TMEM217: variants seen among roughly 807,000 people sequenced by gnomAD.
TMEM217 encodes the protein transmembrane protein 217.
For missense variants in TMEM217, 204 were observed against 248.8 expected (o/e 0.82, Z 1.21); for synonymous variants, 76 against 88.3 (o/e 0.86, Z 0.78).
At chr6:37,222,618 C>G (rs1253911735) in intron 1 of TMEM217, among the ~76,000 whole-genome samples, 1 of 152,210 alleles carries the variant, frequency 6.6e-6, no homozygotes, top group Non-Finnish European at 1.5e-5. Context: ...TGCAGCTGCA[C>G]CTGGGAGGGC....
At chr6:37,247,511 C>G (rs1765158201) in intron 1 of TMEM217, among the ~76,000 whole-genome samples, 1 of 151,934 alleles carries the variant, frequency 6.6e-6, no homozygotes, top group South Asian at 2.1e-4. Flanking sequence ...CCTCAGCCTC[C>G]CAAGTAGCTG....
chr6:37,248,821 C>T (rs572545869), intron 1 of TMEM217, among the ~76,000 whole-genome samples: 46 of 152,304 alleles, frequency 3.0e-4, no homozygotes, highest in African/African-American at 1.0e-3. Flanking sequence ...TTCTCTGCAA[C>T]AAATAACAAC....
At chr6:37,218,510 A>T (rs751460576) in exon 2 of TMEM217, 2 of 1,613,994 alleles carry the variant, frequency 1.2e-6, no homozygotes, top group South Asian at 2.2e-5. Flanking sequence ...GCTGTGGAGA[A>T]TCTCCGCTGT....
At chr6:37,234,894 T>C (rs1257561928) in intron 1 of TMEM217, among the ~76,000 whole-genome samples, 1 of 152,004 alleles carries the variant, frequency 6.6e-6, no homozygotes, top group Non-Finnish European at 1.5e-5. Flanking sequence ...TATTATAAGG[T>C]TTACATATTA....
chr6:37,250,081 G>A (rs1037907326), intron 1 of TMEM217, among the ~76,000 whole-genome samples: 4 of 152,250 alleles, frequency 2.6e-5, no homozygotes, highest in Admixed American at 6.5e-5. Context: ...TTAGTGAACT[G>A]TAGCTGTACT....
chr6:37,242,045 C>G, intron 1 of TMEM217, among the ~76,000 whole-genome samples: 1 of 150,408 alleles, frequency 6.6e-6, no homozygotes, highest in Non-Finnish European at 1.5e-5. Context: ...CTTTCCCTGC[C>G]CCTTGATGGA....
At chr6:37,213,627 C>T (rs535686485), downstream of TMEM217, among the ~76,000 whole-genome samples, 1 of 152,304 alleles carries the variant, frequency 6.6e-6, no homozygotes, top group East Asian at 1.9e-4. Flanking sequence ...GGTGAAGGCC[C>T]AGCAGGCAGA....
At chr6:37,229,758 T>G (rs577720354) in intron 1 of TMEM217, among the ~76,000 whole-genome samples, 3 of 152,354 alleles carry the variant, frequency 2.0e-5, no homozygotes, top group East Asian at 3.9e-4. Context: ...ATGTGCTGAC[T>G]CTGCAGTTGG....
chr6:37,245,303 T>C (rs1053323531), intron 1 of TMEM217, among the ~76,000 whole-genome samples: 1 of 152,234 alleles, frequency 6.6e-6, no homozygotes, highest in African/African-American at 2.4e-5. Flanking sequence ...TTTGACTCCA[T>C]AGGTACACTG....
chr6:37,216,032 T>TGTGTGTGA (rs1159463220), downstream of TMEM217, among the ~76,000 whole-genome samples: 8 of 138,564 alleles, frequency 5.8e-5, no homozygotes, highest in African/African-American at 2.1e-4. Context: ...TGTGTGTGTG[T>TGTGTGTGA]GAGAAACAGA....
intron 1 of TMEM217, among the ~76,000 whole-genome samples, chr6:37,255,104 G>A (rs1765646401): frequency 6.6e-6 from 1 of 152,202 alleles, no homozygotes; most frequent in South Asian, 2.1e-4. Flanking sequence ...ACAGGCAACA[G>A]ACAGGGGGCC....
chr6:37,218,635 C>T (rs777768640), exon 2 of TMEM217: 4 of 1,613,980 alleles, frequency 2.5e-6, no homozygotes, highest in African/African-American at 1.3e-5. Context: ...TACGAGACAC[C>T]AAGCCAAACC....
intron 1 of TMEM217, among the ~76,000 whole-genome samples, chr6:37,225,009 TAAA>T (rs1364051135): frequency 7.6e-6 from 1 of 132,228 alleles, no homozygotes; most frequent in Non-Finnish European, 1.7e-5. Context: ...CCCATCTCTA[TAAA>T]AAAAAAAAAA....
At chr6:37,243,355 A>G (rs1764884212) in intron 1 of TMEM217, among the ~76,000 whole-genome samples, 1 of 152,154 alleles carries the variant, frequency 6.6e-6, no homozygotes, top group African/African-American at 2.4e-5. Flanking sequence ...AATGGATTGA[A>G]AGGGGGAAAA....
At chr6:37,230,445 G>A (rs1283010152) in intron 1 of TMEM217, among the ~76,000 whole-genome samples, 1 of 152,178 alleles carries the variant, frequency 6.6e-6, no homozygotes, top group Non-Finnish European at 1.5e-5. Flanking sequence ...ACTGCAGAAT[G>A]TGACTGTATT....
At chr6:37,243,365 A>C (rs539024580) in intron 1 of TMEM217, among the ~76,000 whole-genome samples, 37 of 152,284 alleles carry the variant, frequency 2.4e-4, no homozygotes, top group African/African-American at 4.8e-4. Context: ...AAGGGGGAAA[A>C]AAATGGAGGA....
chr6:37,251,298 C>T (rs1437356787), intron 1 of TMEM217, among the ~76,000 whole-genome samples: 1 of 145,986 alleles, frequency 6.8e-6, no homozygotes, highest in Non-Finnish European at 1.5e-5. Context: ...TTACAAACTG[C>T]AAAAGGACTG....
At chr6:37,215,701 C>A (rs556275431), downstream of TMEM217, among the ~76,000 whole-genome samples, 1 of 150,628 alleles carries the variant, frequency 6.6e-6, no homozygotes, top group African/African-American at 2.4e-5. Flanking sequence ...GATGAAAAAT[C>A]ATTGGATGAG....
rs576424238 is a variant in TMEM217 at position 37,249,302 on chromosome 6, A to ATTC, written c.-12+8263_-12+8265dup. Among the ~76,000 whole-genome samples, 275 of 151,790 alleles carry ATTC rather than the reference A, an allele frequency of 1.8e-3. 1 individual carries two copies. Among genetic ancestry groups the ATTC allele is most frequent in the African/African-American group, 3.1e-3 (130 of 41,426 alleles). On this transcript the variant is annotated intron_variant, in intron 1 of 1. Coordinates refer to ENST00000357219, the Ensembl canonical transcript of TMEM217. ...AAGGAAGAAATGAATATTTCTTTTCATTCTTCTTCTTCTTCTTCTTCTTTT... is the reference window on the plus strand; with the variant it reads ...AAGGAAGAAATGAATATTTCTTTTCATTCTTCTTCTTCTTCTTCTTCTTCTTTT...
Sources: gnomAD v4.1 joint callset for allele counts (sites outside exome capture counted in the v4.1 genomes callset) on GRCh38, gnomAD v4.1.1 for gene constraint, MANE v1.5 for transcripts, NCBI Gene and HGNC (gene_info 2026-07-23, HGNC 2026-07-21) for gene names.